ALK: variants seen among roughly 807,000 people sequenced by gnomAD.
The protein encoded by ALK is ALK receptor tyrosine kinase.
A neutral mutation model predicts 163.1 loss-of-function variants in ALK; 74 were observed. The ratio of observed to expected loss-of-function variants is 0.45; its 90% confidence interval spans 0.38 to 0.55. The LOEUF (loss-of-function observed/expected upper bound fraction) is 0.55. ALK is among the 20% of genes least tolerant of loss of function. ALK has a pLI of 0.00. For missense variants in ALK, 2,063 were observed against 2,105.3 expected (o/e 0.98, Z 0.39); for synonymous variants, 960 against 843.2 (o/e 1.14, Z -2.40).
chr2:29,817,305 C>T (rs549393480), intron 1 of ALK, among the ~76,000 whole-genome samples: 1 of 152,176 alleles, frequency 6.6e-6, no homozygotes, highest in Non-Finnish European at 1.5e-5. Flanking sequence ...GATAGGTCAG[C>T]TTTCATGGAT....
chr2:29,737,007 A>C (rs372843663), intron 1 of ALK, among the ~76,000 whole-genome samples: 2 of 152,148 alleles, frequency 1.3e-5, no homozygotes, highest in East Asian at 1.9e-4. Flanking sequence ...AGAAAGAATT[A>C]GATGTTTAAC....
chr2:29,527,285 G>A (rs1189164687), intron 4 of ALK, among the ~76,000 whole-genome samples: 2 of 152,152 alleles, frequency 1.3e-5, no homozygotes, highest in East Asian at 3.9e-4. Context: ...TTTAAAGCTG[G>A]GATCTTTGGT....
At chr2:29,523,652 A>G (rs924187658) in intron 4 of ALK, among the ~76,000 whole-genome samples, 1 of 152,204 alleles carries the variant, frequency 6.6e-6, no homozygotes, top group Non-Finnish European at 1.5e-5. Flanking sequence ...CTTTGTATAC[A>G]ATATATATTT....
At chr2:29,223,674 A>C in intron 19 of ALK, 146 bp from the exon 20 acceptor site, 1 of 699,342 alleles carries the variant, frequency 1.4e-6, no homozygotes, top group East Asian at 2.7e-5. Context: ...AATACTAATA[A>C]AATGATTAAA....
chr2:29,510,265 T>G, intron 4 of ALK, among the ~76,000 whole-genome samples: 1 of 152,196 alleles, frequency 6.6e-6, no homozygotes, highest in South Asian at 2.1e-4. Flanking sequence ...CCCTAGCAAT[T>G]GGCATTCTTA....
chr2:29,514,437 G>A (rs1324889553), intron 4 of ALK, among the ~76,000 whole-genome samples: 1 of 151,996 alleles, frequency 6.6e-6, no homozygotes, highest in East Asian at 1.9e-4. Flanking sequence ...ACTCATAGGT[G>A]GGAATTGAAC....
At chr2:29,783,515 C>T (rs1316635328) in intron 1 of ALK, among the ~76,000 whole-genome samples, 1 of 152,182 alleles carries the variant, frequency 6.6e-6, no homozygotes, top group East Asian at 1.9e-4. Context: ...CAAAGACCCA[C>T]AACTGCCCAT....
At chr2:29,764,977 G>C (rs1354183121) in intron 1 of ALK, among the ~76,000 whole-genome samples, 1 of 152,040 alleles carries the variant, frequency 6.6e-6, no homozygotes, top group East Asian at 1.9e-4. Flanking sequence ...CGTGAGATCT[G>C]GTGGTTTAGA....
chr2:29,434,783 AT>A (rs1208917396), intron 4 of ALK, among the ~76,000 whole-genome samples: 1 of 152,182 alleles, frequency 6.6e-6, no homozygotes, highest in Non-Finnish European at 1.5e-5. Context: ...TTCAATTCTA[AT>A]GGACATTGCT....
At chr2:29,583,042 G>GTTTTTTTTTTTTTT in intron 3 of ALK, among the ~76,000 whole-genome samples, 1 of 143,708 alleles carries the variant, frequency 7.0e-6, no homozygotes, top group African/African-American at 2.6e-5. Context: ...TTTGTTTTTT[G>GTTTTTTTTTTTTTT]TTTTTTTGTT....
intron 3 of ALK, among the ~76,000 whole-genome samples, chr2:29,693,838 G>A (rs944422670): frequency 1.3e-5 from 2 of 152,138 alleles, no homozygotes; most frequent in African/African-American, 2.4e-5. Flanking sequence ...TTTAGACCCA[G>A]ACCCACATGT....
chr2:29,365,684 A>G (rs1029221716), intron 5 of ALK, among the ~76,000 whole-genome samples: 3 of 152,204 alleles, frequency 2.0e-5, no homozygotes, highest in Admixed American at 2.0e-4. Flanking sequence ...CAGGACTACA[A>G]TCGATACCAA....
chr2:29,447,866 C>T lies in ALK; in HGVS notation c.1155-64007G>A, dbSNP rs374375844. Among the ~76,000 whole-genome samples the T allele has an allele frequency of 2.2e-4, 33 of 152,038 alleles. No homozygotes were observed. The South Asian group carries it at 5.6e-3, about 26-fold the overall frequency. The stretch of plus-strand genomic sequence containing the variant: ...GCTGCTCAAATATGTGTGAGTTTTT[C>T]GGCAAAATTTATTGCTTAATGGGGG... On this transcript the variant is annotated intron_variant, in intron 4 of 28. Coordinates refer to ENST00000389048, the MANE Select transcript of ALK (RefSeq NM_004304.5).
intron 4 of ALK, among the ~76,000 whole-genome samples, chr2:29,435,692 A>G (rs968795964): frequency 2.0e-5 from 3 of 152,086 alleles, no homozygotes; most frequent in Non-Finnish European, 4.4e-5. Context: ...AAAGCAACAC[A>G]AGCTTCTCCC....
At position 29,831,118 on chromosome 2, in the gene ALK, A is replaced by G. The variant is rs1413872090; in HGVS notation, c.667+88875T>C. On this transcript the variant is annotated intron_variant, in intron 1 of 28. Coordinates refer to ENST00000389048, the MANE Select transcript of ALK (RefSeq NM_004304.5). ...GAGGAGGAGGAGGAGGAGAAGAAGA[A>G]GAAGAAGGGGAAGAAGGGGAAGAAG... is the stretch of plus-strand genomic sequence containing the variant. Among the ~76,000 whole-genome samples the G allele has an allele frequency of 3.0e-3, 164 of 55,512 alleles. 27 individuals are homozygous for G. The highest frequency in any genetic ancestry group is 0.012 in the African/African-American group (156 of 13,544). The allele number at this position is 55,512 out of a possible 152,430, so 36.4% of individuals were successfully genotyped here. A position where few individuals can be genotyped will look rare whatever the true frequency, so the allele number is the denominator to read the frequency against.
chr2:29,558,941 A>G (rs1298120954), intron 3 of ALK, among the ~76,000 whole-genome samples: 7 of 152,192 alleles, frequency 4.6e-5, no homozygotes. Context: ...AAGAAGTCAA[A>G]TATGAAAATT....
intron 3 of ALK, among the ~76,000 whole-genome samples, chr2:29,638,404 C>T (rs544758724): frequency 5.9e-5 from 9 of 152,164 alleles, no homozygotes; most frequent in African/African-American, 2.2e-4. Flanking sequence ...AAGCTCTCCA[C>T]TCAAGCAATC....
rs116748439 is a variant in ALK at position 29,605,703 on chromosome 2, T to C, written c.953-73587A>G. On this transcript the variant is annotated intron_variant, in intron 3 of 28. Coordinates refer to ENST00000389048, the MANE Select transcript of ALK (RefSeq NM_004304.5). ...CATGTGAGCACCCTGATCTTGAATG[T>C]CTTTGCCTCCAGAACTATGAGAAAT... Among the ~76,000 whole-genome samples the C allele has an allele frequency of 5.1e-3, 776 of 152,320 alleles. 10 individuals carry two copies. The highest frequency in any genetic ancestry group is 0.018 in the African/African-American group (730 of 41,566).
intron 9 of ALK, among the ~76,000 whole-genome samples, chr2:29,291,277 T>G (rs893334054): frequency 2.0e-5 from 3 of 152,042 alleles, no homozygotes; most frequent in Non-Finnish European, 4.4e-5. Flanking sequence ...GGCAGGAGGA[T>G]TGCTTGAGCT....
Sources: gnomAD v4.1 joint callset for allele counts (sites outside exome capture counted in the v4.1 genomes callset) on GRCh38, gnomAD v4.1.1 for gene constraint, MANE v1.5 for transcripts, NCBI Gene and HGNC (gene_info 2026-07-23, HGNC 2026-07-21) for gene names.